PUDP: variants seen among roughly 807,000 people sequenced by gnomAD.
PUDP encodes pseudouridine 5'-phosphatase.
A neutral mutation model predicts 9.4 loss-of-function variants in PUDP; 8 were observed. That is an observed-to-expected ratio of 0.85 (90% CI 0.50 to 1.53). PUDP has a LOEUF of 1.53. Ranked by LOEUF, PUDP falls within the 40% of genes most tolerant of loss-of-function variation. PUDP has a pLI of 0.00. For synonymous variants in PUDP, 99 were observed against 80.7 expected, an observed-to-expected ratio of 1.23 and a Z score of -1.22; for missense variants, 188 against 189.7, an observed-to-expected ratio of 0.99 and a Z score of 0.05.
chrX:6,870,143 A>T (rs188294077), intron 3 of PUDP, among the ~76,000 whole-genome samples: 1 of 112,142 alleles, frequency 8.9e-6, no homozygotes, highest in Non-Finnish European at 1.9e-5. Flanking sequence ...CATCATGCTT[A>T]GCGAAATAAG....
chrX:7,117,580 G>C (rs1932229932), intron 1 of PUDP, among the ~76,000 whole-genome samples: 1 of 112,799 alleles, frequency 8.9e-6, no homozygotes, highest in Non-Finnish European at 1.9e-5. Context: ...AAAGTTGGAA[G>C]TTATATTTAA....
At chrX:6,756,736 T>C (rs1400489421) in intron 3 of PUDP, among the ~76,000 whole-genome samples, 1 of 112,469 alleles carries the variant, frequency 8.9e-6, no homozygotes, top group Non-Finnish European at 1.9e-5. Context: ...TTGTTTCCTG[T>C]GGTTTTATTT....
chrX:7,023,612 A>G (rs139651535), intron 1 of PUDP, among the ~76,000 whole-genome samples: 4,551 of 111,905 alleles, frequency 0.041, 97 homozygotes, highest in Non-Finnish European at 0.063. Context: ...ATTTGCTGAA[A>G]AGACTATCCT....
At chrX:7,091,183 T>C (rs1401553143) in intron 2 of PUDP, among the ~76,000 whole-genome samples, 1 of 111,258 alleles carries the variant, frequency 9.0e-6, no homozygotes, top group African/African-American at 3.3e-5. Context: ...CTGTCAATGG[T>C]AAATAAAAAA....
At chrX:6,903,794 G>A (rs1927725916) in intron 3 of PUDP, among the ~76,000 whole-genome samples, 1 of 110,038 alleles carries the variant, frequency 9.1e-6, no homozygotes, top group South Asian at 4.0e-4. Context: ...CAAAAAGAGG[G>A]AAGGGTAGGA....
At chrX:7,060,399 G>A (rs1380951206) in intron 3 of PUDP, among the ~76,000 whole-genome samples, 1 of 112,085 alleles carries the variant, frequency 8.9e-6, no homozygotes, top group Non-Finnish European at 1.9e-5. Context: ...GAATGTTCAT[G>A]AGGTAAGGGG....
chrX:6,780,836 C>T (rs1328424935), intron 3 of PUDP, among the ~76,000 whole-genome samples: 1 of 110,749 alleles, frequency 9.0e-6, no homozygotes, highest in Non-Finnish European at 1.9e-5. Context: ...GCAAGCAGAT[C>T]ACTTGAGGCC....
At chrX:6,892,682 T>C (rs1927533067) in intron 3 of PUDP, among the ~76,000 whole-genome samples, 1 of 111,583 alleles carries the variant, frequency 9.0e-6, no homozygotes, top group African/African-American at 3.3e-5. Context: ...ACCTTCAGTG[T>C]GGCTGTATTT....
chrX:6,841,617 C>T (rs1602641798), intron 3 of PUDP, among the ~76,000 whole-genome samples: 1 of 111,101 alleles, frequency 9.0e-6, no homozygotes, highest in African/African-American at 3.3e-5. Flanking sequence ...AAAAAAAATG[C>T]ATTTTATTTA....
At chrX:6,977,070 C>A (rs1928966732) in intron 3 of PUDP, among the ~76,000 whole-genome samples, 1 of 112,074 alleles carries the variant, frequency 8.9e-6, no homozygotes. Context: ...AGAACTCTTC[C>A]CACATGTTTT....
chrX:6,716,908 A>G (rs1163313447), intron 1 of PUDP, among the ~76,000 whole-genome samples: 1 of 110,932 alleles, frequency 9.0e-6, no homozygotes, highest in Non-Finnish European at 1.9e-5. Context: ...AGCTGGGACC[A>G]CAGGCACAAA....
chrX:7,000,664 A>C (rs1045810684), intron 1 of PUDP, among the ~76,000 whole-genome samples: 1 of 109,231 alleles, frequency 9.2e-6, no homozygotes, highest in Non-Finnish European at 1.9e-5. Flanking sequence ...CCAACTCATT[A>C]ATCACCACAG....
intron 1 of PUDP, among the ~76,000 whole-genome samples, chrX:7,041,829 T>C (rs931362137): frequency 4.7e-5 from 5 of 105,943 alleles, no homozygotes; most frequent in African/African-American, 1.7e-4. Flanking sequence ...GTGACCCTCA[T>C]ATCATCTCAG....
intron 1 of PUDP, among the ~76,000 whole-genome samples, chrX:6,714,617 G>A (rs1924575720): frequency 9.0e-6 from 1 of 111,092 alleles, no homozygotes; most frequent in East Asian, 2.8e-4. Flanking sequence ...ACATAGATAC[G>A]TAGATAAATG....
chrX:6,963,236 G>A (rs1264015798), intron 3 of PUDP, among the ~76,000 whole-genome samples: 1 of 112,166 alleles, frequency 8.9e-6, no homozygotes, highest in Non-Finnish European at 1.9e-5. Flanking sequence ...TTATAAGGAG[G>A]TTCTGGCTTC....
At chrX:6,774,096 C>G (rs936206446) in intron 3 of PUDP, among the ~76,000 whole-genome samples, 4 of 111,505 alleles carry the variant, frequency 3.6e-5, no homozygotes, top group African/African-American at 1.3e-4. Context: ...CTGAGACTGC[C>G]GCTGCACTCC....
Position 6,709,626 on chromosome X carries a change from G to A in PUDP, n.129-3160C>T, listed in dbSNP as rs181911364. ...CAGCCCCCTCCTTCCTTGGACATTC[G>A]ACAAAAGTTGCTTGAGTGGAATTGA... is the stretch of plus-strand genomic sequence containing the variant. On this transcript the variant is annotated intron_variant and non_coding_transcript_variant, in intron 1 of 2. Coordinates refer to the PUDP transcript ENST00000438499. Among the ~76,000 whole-genome samples, 21 of 111,932 alleles carry A rather than the reference G, an allele frequency of 1.9e-4. 1 individual carries two copies. Among genetic ancestry groups the A allele is most frequent in the African/African-American group, 6.8e-4 (21 of 30,862 alleles).
intron 1 of PUDP, among the ~76,000 whole-genome samples, chrX:6,998,811 A>G (rs995934758): frequency 2.7e-5 from 3 of 111,977 alleles, no homozygotes; most frequent in Non-Finnish European, 5.6e-5. Flanking sequence ...CAGATCACCC[A>G]CAGAGCTGTG....
intron 1 of PUDP, among the ~76,000 whole-genome samples, chrX:6,992,439 A>T (rs1239020752): frequency 1.9e-5 from 2 of 105,048 alleles, no homozygotes; most frequent in Non-Finnish European, 3.9e-5. Context: ...TGCCCGGCTA[A>T]TTTTTTGTAT....
Sources: allele counts gnomAD v4.1 joint callset (sites outside exome capture counted in the v4.1 genomes callset), GRCh38; gene constraint gnomAD v4.1.1; transcripts MANE v1.5; gene names NCBI Gene and HGNC (gene_info 2026-07-23, HGNC 2026-07-21).